The following GPC5 variants were observed in gnomAD, a reference collection of about 807,000 sequenced individuals.
GPC5 encodes the protein glypican-5.
Under a neutral mutation model 53.9 loss-of-function variants are expected in GPC5, and 47 were observed. The observed-to-expected ratio is 0.87, with a 90% CI of 0.69 to 1.11. GPC5 has a LOEUF of 1.11. GPC5 is among the 50% of genes most tolerant of loss of function. The pLI is 0.00. For missense variants in GPC5, 748 were observed against 713.1 expected (o/e 1.05, Z -0.56); for synonymous variants, 286 against 263.3 (o/e 1.09, Z -0.84).
At chr13:92,527,141 AAAGAAAGAAAG>A (rs1395746568) in intron 7 of GPC5, among the ~76,000 whole-genome samples, 1 of 127,008 alleles carries the variant, frequency 7.9e-6, no homozygotes, top group African/African-American at 2.9e-5. Context: ...AGAAAGAAAG[AAAGAAAGAAAG>A]AAAGAAAGAA....
intron 2 of GPC5, among the ~76,000 whole-genome samples, chr13:91,526,974 C>A (rs553085445): frequency 1.3e-5 from 2 of 152,226 alleles, no homozygotes; most frequent in East Asian, 3.9e-4. Context: ...CAATCACCTC[C>A]CACCAGACAC....
intron 2 of GPC5, among the ~76,000 whole-genome samples, chr13:91,671,100 G>T (rs1205488513): frequency 1.2e-4 from 18 of 152,056 alleles, no homozygotes; most frequent in Admixed American, 6.6e-5. Flanking sequence ...TAGTGTATTG[G>T]GCCCCAGTTA....
chr13:91,420,614 C>T (rs1028312854), intron 1 of GPC5, among the ~76,000 whole-genome samples: 1 of 152,126 alleles, frequency 6.6e-6, no homozygotes, highest in Admixed American at 6.5e-5. Context: ...TCTATTTCCT[C>T]TCTCATATGG....
At chr13:92,449,816 A>G (rs545657127) in intron 7 of GPC5, among the ~76,000 whole-genome samples, 2 of 152,252 alleles carry the variant, frequency 1.3e-5, no homozygotes, top group African/African-American at 2.4e-5. Flanking sequence ...CATATGTTTC[A>G]TATGTTTTTA....
rs535007555 is a variant in GPC5, at chr13:91,648,579, G to A, written c.326-44608G>A. Reference sequence around the variant, plus strand: ...ACATATTTATTGTAAAAAGTAGAAAGTATAGGCTCACAGAAACAAAAAAAT... The same window carrying A: ...ACATATTTATTGTAAAAAGTAGAAAATATAGGCTCACAGAAACAAAAAAAT... On this transcript the variant is annotated intron_variant, in intron 2 of 7. Coordinates refer to ENST00000377067, the MANE Select transcript of GPC5 (RefSeq NM_004466.6). Among the ~76,000 whole-genome samples, 12 of 152,046 alleles carry A rather than the reference G, an allele frequency of 7.9e-5. No individual in the cohort carries two copies. In the East Asian group the frequency reaches 2.3e-3, roughly 29 times the overall value.
At chr13:92,044,915 T>C (rs1168195180) in intron 6 of GPC5, among the ~76,000 whole-genome samples, 1 of 152,196 alleles carries the variant, frequency 6.6e-6, no homozygotes, top group Non-Finnish European at 1.5e-5. Flanking sequence ...AATTTTATCA[T>C]GATCACTATC....
chr13:91,803,766 A>G (rs1158117046), intron 5 of GPC5, among the ~76,000 whole-genome samples: 2 of 145,444 alleles, frequency 1.4e-5, no homozygotes, highest in Non-Finnish European at 3.0e-5. Context: ...TATAACAGAG[A>G]CAGACAGACA....
At chr13:92,309,533 G>T (rs1185543190) in intron 7 of GPC5, among the ~76,000 whole-genome samples, 3 of 151,834 alleles carry the variant, frequency 2.0e-5, no homozygotes, top group Admixed American at 6.6e-5. Context: ...TTTGCTTATT[G>T]GTTGACTAAT....
chr13:92,154,559 T>G (rs1346402132), intron 7 of GPC5, among the ~76,000 whole-genome samples: 2 of 152,210 alleles, frequency 1.3e-5, no homozygotes, highest in South Asian at 2.1e-4. Context: ...AATGTCATCA[T>G]GAACCCAGTT....
intron 2 of GPC5, among the ~76,000 whole-genome samples, chr13:91,518,488 G>C (rs1285700314): frequency 6.6e-6 from 1 of 152,176 alleles, no homozygotes; most frequent in Non-Finnish European, 1.5e-5. Context: ...TTGGACAGCT[G>C]ATACTCAGAA....
At chr13:92,650,147 A>G (rs1885906998) in intron 7 of GPC5, among the ~76,000 whole-genome samples, 1 of 152,126 alleles carries the variant, frequency 6.6e-6, no homozygotes, top group African/African-American at 2.4e-5. Context: ...TGAGTATACA[A>G]TATACCTAAT....
At chr13:91,422,651 AAAAAC>A (rs1279033732) in intron 1 of GPC5, among the ~76,000 whole-genome samples, 17 of 151,398 alleles carry the variant, frequency 1.1e-4, no homozygotes, top group East Asian at 5.8e-4. Context: ...AAAAGAAAAA[AAAAAC>A]CATTTCTTAC....
chr13:91,771,263 C>T (rs2037619571), intron 5 of GPC5, among the ~76,000 whole-genome samples: 1 of 152,096 alleles, frequency 6.6e-6, no homozygotes, highest in African/African-American at 2.4e-5. Context: ...AATCAAATAA[C>T]TATTTTTTCA....
intron 7 of GPC5, among the ~76,000 whole-genome samples, chr13:92,569,033 C>G (rs1411081886): frequency 5.3e-5 from 8 of 149,558 alleles, no homozygotes; most frequent in Admixed American, 5.3e-4. Context: ...CCCATTAACT[C>G]GTCATTTAGC....
intron 2 of GPC5, among the ~76,000 whole-genome samples, chr13:91,552,804 G>T (rs2030723443): frequency 6.6e-6 from 1 of 152,066 alleles, no homozygotes; most frequent in African/African-American, 2.4e-5. Flanking sequence ...TTACAGTGCT[G>T]CAGAGATTTT....
At chr13:91,591,740 T>C (rs950231292) in intron 2 of GPC5, among the ~76,000 whole-genome samples, 1 of 152,250 alleles carries the variant, frequency 6.6e-6, no homozygotes, top group African/African-American at 2.4e-5. Context: ...TTAATACTTT[T>C]GATTGTATTA....
intron 7 of GPC5, among the ~76,000 whole-genome samples, chr13:92,682,522 T>C (rs1439793518): frequency 6.6e-6 from 1 of 152,200 alleles, no homozygotes; most frequent in Non-Finnish European, 1.5e-5. Flanking sequence ...CTTTTACTGT[T>C]CTTAATGTAA....
chr13:92,727,948 T>C (rs1888688915), intron 7 of GPC5, among the ~76,000 whole-genome samples: 1 of 151,456 alleles, frequency 6.6e-6, no homozygotes, highest in Non-Finnish European at 1.5e-5. Context: ...AAAATGTGTA[T>C]GCTTTTGTTC....
intron 7 of GPC5, chr13:92,658,919 G>GTTTTTTTT (rs1358143857): frequency 1.9e-4 from 18 of 96,062 alleles, no homozygotes; most frequent in African/African-American, 5.6e-4. Context: ...AGTTGTATAT[G>GTTTTTTTT]TTTTGTTTTT....
Sources: gnomAD v4.1 joint callset for allele counts (sites outside exome capture counted in the v4.1 genomes callset) on GRCh38, gnomAD v4.1.1 for gene constraint, MANE v1.5 for transcripts, NCBI Gene and HGNC (gene_info 2026-07-23, HGNC 2026-07-21) for gene names.